ADD3: variants seen among roughly 807,000 people sequenced by gnomAD.
The protein encoded by ADD3 is gamma-adducin.
A neutral mutation model predicts 80.2 loss-of-function variants in ADD3; 25 were observed. The observed-to-expected ratio is 0.31, with a 90% CI of 0.23 to 0.44. ADD3 has a LOEUF of 0.44. Ranked by LOEUF, ADD3 falls within the 20% of genes least tolerant of loss-of-function variation. The pLI, the probability that ADD3 is intolerant of heterozygous loss-of-function variation, is 1.00. For synonymous variants in ADD3, 284 were observed against 289.6 expected, an observed-to-expected ratio of 0.98 and a Z score of 0.20; for missense variants, 829 against 847.5, an observed-to-expected ratio of 0.98 and a Z score of 0.27.
intron 1 of ADD3, among the ~76,000 whole-genome samples, chr10:110,024,888 G>A (rs1260264885): frequency 6.6e-6 from 1 of 151,230 alleles, no homozygotes; most frequent in Non-Finnish European, 1.5e-5. Flanking sequence ...ACAGTGAAAA[G>A]TAAGTTGTCA....
At chr10:110,036,375 C>CTTTT (rs551028000) in intron 1 of ADD3, among the ~76,000 whole-genome samples, 22 of 116,788 alleles carry the variant, frequency 1.9e-4, no homozygotes, top group South Asian at 3.0e-4. Flanking sequence ...TAGAAAGTGT[C>CTTTT]TTTTTTTTTT....
At chr10:110,115,445 A>G (rs964818137) in intron 3 of ADD3, among the ~76,000 whole-genome samples, 4 of 152,092 alleles carry the variant, frequency 2.6e-5, no homozygotes, top group Non-Finnish European at 5.9e-5. Context: ...GATCAGAACT[A>G]AAGACCAGGG....
chr10:110,065,012 C>G (rs867394536), intron 1 of ADD3, among the ~76,000 whole-genome samples: 4 of 152,010 alleles, frequency 2.6e-5, no homozygotes, highest in Middle Eastern at 3.4e-3. Flanking sequence ...GAGCTGAGAT[C>G]TTGTCTAGGC....
Position 110,124,068 on chromosome 10 carries a change from A to G in ADD3, c.1195A>G (p.Arg399Gly). ...GCATCCTCTCATTCGAGAGAAGCCT[A>G]GGCACAAGAGTGATGTGGAAATCCC... ...YRHPLIREKPRHKSDVEIPAT... is the reference protein window; with the variant it reads ...YRHPLIREKPGHKSDVEIPAT... Residue 399 changes from arginine (R) to glycine (G), a missense_variant, in exon 10 of 15, where the codon AGG becomes GGG. Transcript: ENST00000356080. 6.2e-7 allele frequency: 1 copy of G among 1,614,162 alleles called. No individual in the cohort carries two copies. Among genetic ancestry groups the G allele is most frequent in the Non-Finnish European group, 8.5e-7 (1 of 1,179,994 alleles).
intron 8 of ADD3, among the ~76,000 whole-genome samples, chr10:110,119,941 C>G (rs1461619871): frequency 6.6e-6 from 1 of 152,068 alleles, no homozygotes; most frequent in East Asian, 1.9e-4. Context: ...TTGACTAGGT[C>G]CAGAAGTTAT....
rs1853407362 is a variant in ADD3 at position 110,134,041 on chromosome 10, A to G, written c.*423A>G. ...TTATTGACTATATTTTTGGAGTCCC[A>G]TTGTTTCAGTGGGCATTAACAGAAT... On this transcript the variant is annotated 3_prime_UTR_variant, in exon 15 of 15. Coordinates refer to ENST00000356080, the MANE Select transcript of ADD3 (RefSeq NM_016824.5). 2 of 153,136 alleles carry G rather than the reference A, an allele frequency of 1.3e-5. No individual in the cohort carries two copies. Among genetic ancestry groups the G allele is most frequent in the Admixed American group, 6.5e-5 (1 of 15,314 alleles). The allele number at this position is 153,136 out of a possible 1,614,324, so 9.5% of individuals were successfully genotyped here. A position where few individuals can be genotyped will look rare whatever the true frequency, so the allele number is the denominator to read the frequency against.
At chr10:109,996,667 T>C (rs1432954137) in intron 1 of ADD3, among the ~76,000 whole-genome samples, 1 of 152,254 alleles carries the variant, frequency 6.6e-6, no homozygotes, top group Non-Finnish European at 1.5e-5. Flanking sequence ...TCCTAGTAAT[T>C]ATGCCCTGCT....
At chr10:110,003,302 G>GGGGGGGGGTGTGTGTGTGTGT (rs140966434), upstream of ADD3, among the ~76,000 whole-genome samples, 11 of 147,024 alleles carry the variant, frequency 7.5e-5, no homozygotes, top group African/African-American at 2.8e-4. Context: ...GAACAGTAAG[G>GGGGGGGGGTGTGTGTGTGTGT]GTGTGTGTGT....
intron 1 of ADD3, among the ~76,000 whole-genome samples, chr10:110,012,278 A>G (rs1852425640): frequency 6.6e-6 from 1 of 152,238 alleles, no homozygotes; most frequent in Non-Finnish European, 1.5e-5. Flanking sequence ...TTTCATGTGT[A>G]TTTTAATGTT....
intron 2 of ADD3, among the ~76,000 whole-genome samples, chr10:110,104,904 G>A (rs1849242378): frequency 6.6e-6 from 1 of 152,136 alleles, no homozygotes; most frequent in Non-Finnish European, 1.5e-5. Context: ...GCTCACACCT[G>A]TAATCACTAG....
chr10:110,124,158 G>A lies in ADD3; in HGVS notation c.1285G>A (p.Ala429Thr). The A allele has an allele frequency of 6.2e-7, 1 of 1,614,086 alleles. No homozygotes were observed. The highest frequency in any genetic ancestry group is 1.1e-5 in the South Asian group (1 of 91,076). Residue 429 changes from alanine (A) to threonine (T), a missense_variant, in exon 10 of 15, where the codon GCA becomes ACA. Physicochemically the swap from Ala to Thr is moderately conservative, Grantham distance 58 (BLOSUM62 0). Coordinates refer to ENST00000356080, the MANE Select transcript of ADD3 (RefSeq NM_016824.5). ...GCCACTCTCTCCTCTCAAATACATG[G>A]CACAGAGGCAACAGCGTGAAAAAAC... ...TVPLSPLKYM[A>T]QRQQREKTRW...
intron 2 of ADD3, chr10:110,111,992 T>G (rs1404706458): frequency 6.6e-6 from 1 of 152,228 alleles, no homozygotes; most frequent in Non-Finnish European, 1.5e-5. Flanking sequence ...TTAATTTGCT[T>G]TCAGAGTTTA....
intron 1 of ADD3, among the ~76,000 whole-genome samples, chr10:110,056,226 C>G (rs2133448371): frequency 6.6e-6 from 1 of 152,284 alleles, no homozygotes; most frequent in Admixed American, 6.5e-5. Context: ...TGATGATGCT[C>G]AAATGTATAT....
chr10:110,046,327 A>G (rs763693609), intron 1 of ADD3, among the ~76,000 whole-genome samples: 1 of 152,156 alleles, frequency 6.6e-6, no homozygotes, highest in Admixed American at 6.5e-5. Context: ...ATGTATATAT[A>G]TAACATACAT....
At chr10:110,107,023 A>C (rs967068627) in intron 2 of ADD3, among the ~76,000 whole-genome samples, 2 of 152,120 alleles carry the variant, frequency 1.3e-5, no homozygotes, top group Admixed American at 1.3e-4. Flanking sequence ...CAAGATTGAG[A>C]TCAGATTCTT....
chr10:110,119,385 T>A, intron 7 of ADD3, 31 bp downstream of exon 7: 1 of 1,613,140 alleles, frequency 6.2e-7, no homozygotes, highest in Non-Finnish European at 8.5e-7. Flanking sequence ...AAGGAGCTAT[T>A]TTTGTTGCTG....
chr10:110,111,621 A>G (rs942156688), intron 2 of ADD3, among the ~76,000 whole-genome samples: 1 of 152,238 alleles, frequency 6.6e-6, no homozygotes, highest in Non-Finnish European at 1.5e-5. Flanking sequence ...GTTCCATTAA[A>G]AAACTGTCAT....
At chr10:110,081,711 A>G (rs1157164784) in intron 1 of ADD3, among the ~76,000 whole-genome samples, 2 of 152,190 alleles carry the variant, frequency 1.3e-5, no homozygotes, top group Admixed American at 6.5e-5. Flanking sequence ...TGCTTCACCT[A>G]TTATGATTTT....
chr10:110,037,814 C>A (rs185638464), intron 1 of ADD3, among the ~76,000 whole-genome samples: 173 of 151,888 alleles, frequency 1.1e-3, no homozygotes, highest in African/African-American at 4.0e-3. Flanking sequence ...AGCCTGTAAT[C>A]CCAGCACTTT....
Sources: allele counts gnomAD v4.1 joint callset (sites outside exome capture counted in the v4.1 genomes callset), GRCh38; gene constraint gnomAD v4.1.1; transcripts MANE v1.5; gene names NCBI Gene and HGNC (gene_info 2026-07-23, HGNC 2026-07-21).